Variants in CDH13 observed in about 807,000 individuals in gnomAD.
CDH13 encodes the protein cadherin 13, also known as cadherin-13.
CDH13 carries 24 observed loss-of-function variants against 63.8 expected under a neutral mutation model. The ratio of observed to expected loss-of-function variants is 0.38; its 90% CI spans 0.27 to 0.53. CDH13 has a LOEUF of 0.53. CDH13 is among the 20% of genes least tolerant of loss of function. CDH13 has a pLI of 0.85. For missense variants in CDH13, 1,049 were observed against 903.1 expected (o/e 1.16, Z -2.07); for synonymous variants, 503 against 355.3 (o/e 1.42, Z -4.67).
At chr16:82,848,901 C>G (rs1187770425) in intron 1 of CDH13, among the ~76,000 whole-genome samples, 4 of 152,060 alleles carry the variant, frequency 2.6e-5, no homozygotes, top group African/African-American at 2.4e-5. Flanking sequence ...TTTCTTGTGC[C>G]AAAGAGTAAA....
intron 1 of CDH13, among the ~76,000 whole-genome samples, chr16:82,813,356 C>A (rs1367328008): frequency 6.6e-6 from 1 of 152,158 alleles, no homozygotes; most frequent in Non-Finnish European, 1.5e-5. Flanking sequence ...ATCTCTGCAG[C>A]TGCTGCACCT....
At chr16:83,737,725 C>A (rs991008056) in intron 10 of CDH13, among the ~76,000 whole-genome samples, 1 of 152,154 alleles carries the variant, frequency 6.6e-6, no homozygotes, top group South Asian at 2.1e-4. Context: ...CATCAACAGC[C>A]CTGATCATTC....
At chr16:83,296,689 AG>A (rs2089606678) in intron 5 of CDH13, among the ~76,000 whole-genome samples, 1 of 152,198 alleles carries the variant, frequency 6.6e-6, no homozygotes, top group Non-Finnish European at 1.5e-5. Context: ...TTTTTATGAC[AG>A]GCAGGGTTAA....
intron 12 of CDH13, among the ~76,000 whole-genome samples, chr16:83,782,726 A>T (rs960650562): frequency 7.0e-6 from 1 of 143,882 alleles, no homozygotes; most frequent in Non-Finnish European, 1.5e-5. Context: ...ACAGAGTGAG[A>T]CCCTGTCTCG....
chr16:83,524,004 T>C (rs557559501), intron 7 of CDH13, among the ~76,000 whole-genome samples: 1 of 152,270 alleles, frequency 6.6e-6, no homozygotes, highest in Admixed American at 6.5e-5. Context: ...CCAAGATTCT[T>C]AGATCACAGC....
intron 4 of CDH13, among the ~76,000 whole-genome samples, chr16:83,194,990 A>G (rs767916128): frequency 6.6e-6 from 1 of 152,278 alleles, no homozygotes; most frequent in South Asian, 2.1e-4. Context: ...AGGTAAAAAA[A>G]GTATGAGAAT....
chr16:82,803,157 C>T (rs567077281), intron 1 of CDH13, among the ~76,000 whole-genome samples: 3 of 152,096 alleles, frequency 2.0e-5, no homozygotes, highest in Non-Finnish European at 4.4e-5. Flanking sequence ...TCTCACTGAC[C>T]CTGGATAGGT....
chr16:83,286,673 C>A (rs2007279), intron 5 of CDH13, among the ~76,000 whole-genome samples: 5,078 of 151,068 alleles, frequency 0.034, 208 homozygotes, highest in African/African-American at 0.088. Context: ...GGAGAATTAC[C>A]TGAACCTGGG....
intron 5 of CDH13, among the ~76,000 whole-genome samples, chr16:83,334,016 C>T (rs898507058): frequency 6.6e-6 from 1 of 152,142 alleles, no homozygotes; most frequent in African/African-American, 2.4e-5. Context: ...GCTACCTTCA[C>T]TCCTGGAAGC....
intron 5 of CDH13, among the ~76,000 whole-genome samples, chr16:83,221,230 G>T (rs1156276649): frequency 6.6e-6 from 1 of 152,144 alleles, no homozygotes; most frequent in African/African-American, 2.4e-5. Context: ...GCTGGGAAGG[G>T]AGTTTGGCTG....
At chr16:83,205,120 C>T (rs991919973) in intron 4 of CDH13, among the ~76,000 whole-genome samples, 1 of 152,178 alleles carries the variant, frequency 6.6e-6, no homozygotes, top group African/African-American at 2.4e-5. Context: ...ATGGGAGGTA[C>T]AGGAGATCCA....
intron 10 of CDH13, among the ~76,000 whole-genome samples, chr16:83,705,621 CAAAAG>C (rs1906922420): frequency 6.6e-6 from 1 of 152,008 alleles, no homozygotes; most frequent in African/African-American, 2.4e-5. Context: ...GACTCCGTCT[CAAAAG>C]AAAAGAAAAA....
intron 2 of CDH13, among the ~76,000 whole-genome samples, chr16:82,909,577 G>T (rs1455370556): frequency 6.6e-6 from 1 of 151,298 alleles, no homozygotes; most frequent in East Asian, 1.9e-4. Context: ...CACAGTCATG[G>T]CGGAAGGCAA....
intron 2 of CDH13, among the ~76,000 whole-genome samples, chr16:82,963,214 TACA>T (rs1907289446): frequency 8.2e-6 from 1 of 122,126 alleles, no homozygotes; most frequent in South Asian, 2.5e-4. Context: ...CTACTAAAAA[TACA>T]AAAAAAAAAA....
chr16:83,131,185 C>A (rs1208150128), intron 4 of CDH13, among the ~76,000 whole-genome samples: 1 of 15,746 alleles, frequency 6.4e-5, no homozygotes, highest in African/African-American at 1.6e-4. Context: ...GTGTATGACC[C>A]CCCCCCCCCC....
At chr16:83,180,645 A>G (rs1290563319) in intron 4 of CDH13, among the ~76,000 whole-genome samples, 2 of 152,228 alleles carry the variant, frequency 1.3e-5, no homozygotes, top group African/African-American at 2.4e-5. Context: ...CCAGCAGTCC[A>G]TATTATCTTG....
intron 2 of CDH13, among the ~76,000 whole-genome samples, chr16:82,902,438 A>G (rs9319578): frequency 0.93 from 141,501 of 152,008 alleles, 65,986 homozygotes; most frequent in African/African-American, 0.98. Flanking sequence ...TTGCCAGGAT[A>G]CATTGGTCTT....
intron 2 of CDH13, among the ~76,000 whole-genome samples, chr16:83,027,447 T>G (rs576257062): frequency 6.6e-6 from 1 of 152,122 alleles, no homozygotes; most frequent in South Asian, 2.1e-4. Context: ...AGAAATGCCT[T>G]CTGCAGAGAG....
chr16:83,262,048 A>C (rs1269226730), intron 5 of CDH13, among the ~76,000 whole-genome samples: 1 of 152,194 alleles, frequency 6.6e-6, no homozygotes, highest in Non-Finnish European at 1.5e-5. Context: ...AGCTGTCTTC[A>C]CGCTGGCACA....
Sources: gnomAD v4.1 joint callset for allele counts (sites outside exome capture counted in the v4.1 genomes callset) on GRCh38, gnomAD v4.1.1 for gene constraint, MANE v1.5 for transcripts, NCBI Gene and HGNC (gene_info 2026-07-23, HGNC 2026-07-21) for gene names.